GMDS: variants seen among roughly 807,000 people sequenced by gnomAD.
GMDS encodes GDP-mannose 4,6-dehydratase.
A neutral mutation model predicts 49.9 loss-of-function variants in GMDS; 20 were observed. That is an observed-to-expected ratio of 0.40 (90% confidence interval 0.28 to 0.58). The LOEUF is 0.58. GMDS is among the 20% of genes least tolerant of loss of function. The pLI is 0.42. For missense variants in GMDS, 362 were observed against 481.4 expected, an observed-to-expected ratio of 0.75 and a Z score of 2.32; for synonymous variants, 177 against 178.6, an observed-to-expected ratio of 0.99 and a Z score of 0.07.
chr6:2,225,579 C>G (rs946438919), intron 1 of GMDS, among the ~76,000 whole-genome samples: 1 of 152,158 alleles, frequency 6.6e-6, no homozygotes, highest in East Asian at 1.9e-4. Flanking sequence ...ATTTGCCAAC[C>G]CTTAGATTTT....
intron 4 of GMDS, among the ~76,000 whole-genome samples, chr6:2,102,613 TGCCA>T (rs1009510225): frequency 3.3e-5 from 5 of 152,186 alleles, no homozygotes; most frequent in African/African-American, 1.2e-4. Context: ...ATCTAATGCC[TGCCA>T]AAGAGGGGCT....
chr6:2,159,852 T>C (rs904552084), intron 1 of GMDS, among the ~76,000 whole-genome samples: 1 of 152,176 alleles, frequency 6.6e-6, no homozygotes, highest in Non-Finnish European at 1.5e-5. Context: ...ACAGTTCATC[T>C]ATGTGTTTTT....
chr6:2,117,602 TAAAC>T lies in GMDS; in HGVS notation c.148-50_148-47del, dbSNP rs751782325. 6 of 925,146 alleles carry T rather than the reference TAAAC, an allele frequency of 6.5e-6. 1 individual carries two copies. The highest frequency in any genetic ancestry group is 5.3e-5 in the Admixed American group (3 of 57,080). The allele number at this position is 925,146 out of a possible 1,614,324, so 57.3% of individuals were successfully genotyped here. ...AAGATAAATGTGCAATGAGGACTAATAAACAACTTCTTTAGCTAATGTTTAGCTT... is the reference window on the plus strand; with the variant it reads ...AAGATAAATGTGCAATGAGGACTAATAACTTCTTTAGCTAATGTTTAGCTT... On this transcript the variant is annotated intron_variant, in intron 2 of 10. Coordinates refer to ENST00000380815, the MANE Select transcript of GMDS (RefSeq NM_001500.4).
intron 8 of GMDS, among the ~76,000 whole-genome samples, chr6:1,734,172 C>A (rs756087569): frequency 6.6e-6 from 1 of 152,156 alleles, no homozygotes; most frequent in Admixed American, 6.5e-5. Context: ...TCCATCCATG[C>A]CTAGAATTCT....
At chr6:1,846,594 G>A (rs1757424292) in intron 7 of GMDS, among the ~76,000 whole-genome samples, 1 of 152,186 alleles carries the variant, frequency 6.6e-6, no homozygotes, top group African/African-American at 2.4e-5. Flanking sequence ...ATGGGAACAT[G>A]GAAAGAGAAG....
chr6:2,124,691 T>C lies in GMDS; in HGVS notation c.143A>G (p.Tyr48Cys). 1.2e-6 allele frequency: 2 copies of C among 1,613,664 alleles called. No individual in the cohort carries two copies. The highest frequency in any genetic ancestry group is 1.7e-6 in the Non-Finnish European group (2 of 1,179,658). ...YLAEFLLEKG[Y>C]EVHGIVRRSS... ...GCTTCCCATTGAGTCACCCACCTCA[T>C]AGCCTTTCTCCAGCAGGAACTCAGC... Residue 48 changes from tyrosine to cysteine, a missense_variant, in exon 2 of 11, where the codon TAT becomes TGT. Physicochemically the swap from Tyr to Cys is radical, Grantham distance 194. Coordinates refer to ENST00000380815, the MANE Select transcript of GMDS (RefSeq NM_001500.4).
At chr6:2,216,390 G>A (rs1395663370) in intron 1 of GMDS, among the ~76,000 whole-genome samples, 1 of 152,082 alleles carries the variant, frequency 6.6e-6, no homozygotes, top group Non-Finnish European at 1.5e-5. Flanking sequence ...ATCTTTACTG[G>A]CTTAAGTTAG....
At chr6:2,045,250 AT>A (rs1398094416) in intron 4 of GMDS, among the ~76,000 whole-genome samples, 2 of 151,982 alleles carry the variant, frequency 1.3e-5, no homozygotes, top group African/African-American at 4.8e-5. Context: ...CATTTCTTAC[AT>A]TTTTAGGCGT....
chr6:1,882,177 CA>C (rs1271738702), intron 7 of GMDS, among the ~76,000 whole-genome samples: 3 of 152,138 alleles, frequency 2.0e-5, no homozygotes, highest in Non-Finnish European at 2.9e-5. Flanking sequence ...CTAAATTAAG[CA>C]TATTTAGCAG....
intron 1 of GMDS, among the ~76,000 whole-genome samples, chr6:2,168,839 A>C (rs780056182): frequency 1.3e-5 from 2 of 152,236 alleles, no homozygotes; most frequent in Non-Finnish European, 2.9e-5. Context: ...TAGAATAAAA[A>C]AGTCTGCTCT....
At chr6:1,983,083 C>A (rs865898029) in intron 4 of GMDS, among the ~76,000 whole-genome samples, 2 of 152,186 alleles carry the variant, frequency 1.3e-5, no homozygotes, top group Non-Finnish European at 1.5e-5. Context: ...CGCACACCCA[C>A]AACCAACTGA....
intron 9 of GMDS, among the ~76,000 whole-genome samples, chr6:1,696,848 T>C (rs1765360952): frequency 6.6e-6 from 1 of 152,238 alleles, no homozygotes; most frequent in South Asian, 2.1e-4. Flanking sequence ...GAGCCTCAGA[T>C]TTCATGCTCC....
At position 1,981,077 on chromosome 6, in the gene GMDS, C is replaced by T. The variant is rs138162754; in HGVS notation, c.346-20111G>A. The stretch of plus-strand genomic sequence containing the variant: ...AAAAATTCATAGCACTAAATGCCCA[C>T]ATCAAAAAGCTAGAAAGATCTCAAA... On this transcript the variant is annotated intron_variant, in intron 4 of 10. Transcript: ENST00000380815. 5.6e-3 allele frequency among the ~76,000 whole-genome samples: 851 copies of T among 152,168 alleles called. 3 individuals are homozygous for T. Among genetic ancestry groups the T allele is most frequent in the Middle Eastern group, 0.01 (3 of 294 alleles).
At position 2,191,386 on chromosome 6, in the gene GMDS, G is replaced by A. The variant is rs1379232602; in HGVS notation, c.102+53935C>T. 1.3e-5 allele frequency among the ~76,000 whole-genome samples: 2 copies of A among 152,158 alleles called. No individual in the cohort carries two copies. The highest frequency in any genetic ancestry group is 2.9e-5 in the Non-Finnish European group (2 of 68,004). On this transcript the variant is annotated intron_variant, in intron 1 of 10. Coordinates refer to ENST00000380815, the MANE Select transcript of GMDS (RefSeq NM_001500.4). This position sits in a 1 kb window ranked among gnomAD's most constrained non-coding sequence, Gnocchi z 4.6. ...GACCTAGAGCCCCCAGGCTGCAAGGGGGCACAGCTGGGACTTCCCGCTTCA... is the reference window on the plus strand; with the variant it reads ...GACCTAGAGCCCCCAGGCTGCAAGGAGGCACAGCTGGGACTTCCCGCTTCA...
intron 7 of GMDS, among the ~76,000 whole-genome samples, chr6:1,819,616 C>G (rs1770803450): frequency 1.3e-5 from 2 of 151,690 alleles, no homozygotes; most frequent in Admixed American, 6.6e-5. Flanking sequence ...CAAAAATTAG[C>G]CAGGCGTGGG....
chr6:2,091,458 C>T (rs561291791), intron 4 of GMDS, among the ~76,000 whole-genome samples: 3 of 152,246 alleles, frequency 2.0e-5, no homozygotes, highest in Admixed American at 1.3e-4. Context: ...ATACGGTCAC[C>T]AATACAGACT....
chr6:1,759,859 T>C (rs1338537803), intron 7 of GMDS, among the ~76,000 whole-genome samples: 5 of 152,116 alleles, frequency 3.3e-5, no homozygotes, highest in African/African-American at 1.2e-4. Context: ...GCCAGGTGTA[T>C]TTAAACCAGG....
chr6:2,047,960 G>C (rs1415572662), intron 4 of GMDS, among the ~76,000 whole-genome samples: 1 of 152,130 alleles, frequency 6.6e-6, no homozygotes, highest in Non-Finnish European at 1.5e-5. Context: ...TTTAGATGAA[G>C]CTATATCAAT....
chr6:1,650,310 A>G (rs1350891160), intron 9 of GMDS, among the ~76,000 whole-genome samples: 1 of 152,128 alleles, frequency 6.6e-6, no homozygotes, highest in Non-Finnish European at 1.5e-5. Context: ...TGCCCAGGAA[A>G]AAAAAAACCA....
Sources: gnomAD v4.1 joint callset for allele counts (sites outside exome capture counted in the v4.1 genomes callset) on GRCh38, gnomAD v4.1.1 for gene constraint, Gnocchi (gnomAD v3.1) non-coding constraint, MANE v1.5 for transcripts, NCBI Gene and HGNC (gene_info 2026-07-23, HGNC 2026-07-21) for gene names.